PUS3: variants seen among roughly 807,000 people sequenced by gnomAD.
PUS3 encodes pseudouridine synthase 3.
A neutral mutation model predicts 43.3 loss-of-function variants in PUS3; 36 were observed. The ratio of observed to expected loss-of-function variants is 0.83; its 90% confidence interval spans 0.64 to 1.10. PUS3 has a LOEUF of 1.10. PUS3 is among the 50% of genes least tolerant of loss of function. The probability of loss-of-function intolerance (pLI) is 0.00; values close to 1 mark genes in which losing one functional copy is unlikely to be tolerated. For synonymous variants in PUS3, 183 were observed against 199.2 expected, an observed-to-expected ratio of 0.92 and a Z score of 0.69; for missense variants, 544 against 589.9, an observed-to-expected ratio of 0.92 and a Z score of 0.81.
rs1049344734 is a variant in PUS3 at position 125,893,828 on chromosome 11, G to A, written c.1403C>T (p.Thr468Met). 26 of 1,613,352 alleles carry A rather than the reference G, an allele frequency of 1.6e-5. No individual in the cohort carries two copies. Among genetic ancestry groups the A allele is most frequent in the East Asian group, 2.2e-5 (1 of 44,878 alleles). The change falls in exon 4 of 4, where the codon ACG (threonine) becomes ATG (methionine). Residue 468 changes from threonine to methionine, a missense_variant. Physicochemically the swap from Thr to Met is moderately conservative, Grantham distance 81. Coordinates refer to ENST00000227474, the MANE Select transcript of PUS3 (RefSeq NM_031307.4). ...TTCTGTGTCAACACAGACCCTCTTCGTTGGTGTCTCCAAATTAGTATTCTC... is the reference window on the plus strand; with the variant it reads ...TTCTGTGTCAACACAGACCCTCTTCATTGGTGTCTCCAAATTAGTATTCTC... ...EEENTNLETPTKRVCVDTEIK... is the reference protein window; with the variant it reads ...EEENTNLETPMKRVCVDTEIK...
intron 1 of PUS3, among the ~76,000 whole-genome samples, chr11:125,896,586 G>A (rs1236011400): frequency 1.3e-5 from 2 of 152,104 alleles, no homozygotes; most frequent in African/African-American, 2.4e-5. Flanking sequence ...CAAAATTCAG[G>A]GAGAATGTCT....
chr11:125,901,475 A>G (rs1944772142), intron 1 of PUS3, among the ~76,000 whole-genome samples: 1 of 152,244 alleles, frequency 6.6e-6, no homozygotes, highest in Non-Finnish European at 1.5e-5. Context: ...GGGACCATCT[A>G]AAATCTGAAA....
chr11:125,899,676 C>T, intron 1 of PUS3: 1 of 1,614,148 alleles, frequency 6.2e-7, no homozygotes, highest in Non-Finnish European at 8.5e-7. Context: ...CGCAGAAAGC[C>T]AGATGGGGAA....
In PUS3 at chr11:125,895,558, A is replaced by T; in HGVS notation, c.610T>A (p.Leu204Ile). Reference protein sequence around the residue: ...TYRYFFPRADLDIVTMDYAAQ... With the variant: ...TYRYFFPRADIDIVTMDYAAQ... ...GCATAATCCATGGTTACAATATCTA[A>T]ATCAGCACGAGGGAAAAAATAGCGG... The change falls in exon 3 of 4, where the codon TTA (leucine) becomes ATA (isoleucine). Residue 204 changes from leucine (L) to isoleucine (I), a missense_variant. Coordinates refer to ENST00000227474, the MANE Select transcript of PUS3 (RefSeq NM_031307.4). The T allele has an allele frequency of 1.9e-6, 3 of 1,614,212 alleles. No individual in the cohort carries two copies. The highest frequency in any genetic ancestry group is 1.3e-5 in the African/African-American group (1 of 75,046).
In PUS3 at chr11:125,895,719, T is replaced by C; in HGVS notation, c.449A>G (p.Glu150Gly). 1.2e-6 allele frequency: 2 copies of C among 1,613,404 alleles called. No individual in the cohort carries two copies. Among genetic ancestry groups the C allele is most frequent in the Non-Finnish European group, 8.5e-7 (1 of 1,179,874 alleles). Residue 150 changes from glutamate to glycine, a missense_variant, in exon 3 of 4, where the codon GAG becomes GGG. Coordinates refer to ENST00000227474, the MANE Select transcript of PUS3 (RefSeq NM_031307.4). The stretch of plus-strand genomic sequence containing the variant: ...GATCTCTTCAGCAGCAGCATTAGCC[T>C]CCTCTTTTACATTAAAGTCCTCGGA... ...RDSEDFNVKE[E>G]ANAAAEEIRY...
chr11:125,901,943 G>A (rs1271476611), intron 1 of PUS3, among the ~76,000 whole-genome samples: 1 of 152,094 alleles, frequency 6.6e-6, no homozygotes, highest in Non-Finnish European at 1.5e-5. Flanking sequence ...TTTATACCTC[G>A]ACTTTTTATG....
intron 1 of PUS3, chr11:125,899,308 T>A (rs112053817): frequency 8.8e-6 from 13 of 1,483,294 alleles, no homozygotes; most frequent in African/African-American, 5.6e-5. Context: ...GCTGGGAATT[T>A]ATTATCAGAA....
rs189235230 is a variant in PUS3, at chr11:125,895,563, G to A, written c.605C>T (p.Ala202Val). Reference protein sequence around the residue: ...ERTYRYFFPRADLDIVTMDYA... With the variant: ...ERTYRYFFPRVDLDIVTMDYA... ...ATCCATGGTTACAATATCTAAATCA[G>A]CACGAGGGAAAAAATAGCGGTAAGT... is the stretch of plus-strand genomic sequence containing the variant. The change falls in exon 3 of 4, where the codon GCT becomes GTT. Residue 202 changes from alanine (A) to valine (V), a missense_variant. Ala to Val is a moderately conservative substitution (Grantham distance 64, BLOSUM62 0). Transcript: ENST00000227474. 2 of 1,614,180 alleles carry A rather than the reference G, an allele frequency of 1.2e-6. No individual in the cohort carries two copies. The highest frequency in any genetic ancestry group is 1.1e-5 in the South Asian group (1 of 91,088).
intron 1 of PUS3, among the ~76,000 whole-genome samples, chr11:125,897,982 C>T (rs1421251933): frequency 1.3e-5 from 2 of 152,106 alleles, no homozygotes; most frequent in Non-Finnish European, 2.9e-5. Flanking sequence ...TACATTCATA[C>T]ATTGGAATTC....
intron 1 of PUS3, chr11:125,899,869 G>A (rs1459943045): frequency 6.2e-7 from 1 of 1,614,066 alleles, no homozygotes; most frequent in African/African-American, 1.3e-5. Flanking sequence ...CTCAAGATCA[G>A]CTCATTTGCT....
intron 1 of PUS3, chr11:125,899,312 A>G: frequency 2.0e-6 from 3 of 1,502,938 alleles, no homozygotes; most frequent in Non-Finnish European, 2.8e-6. Flanking sequence ...GGAATTTATT[A>G]TCAGAAAACT....
chr11:125,894,980 A>G (rs1044857014), intron 3 of PUS3, among the ~76,000 whole-genome samples: 3 of 152,176 alleles, frequency 2.0e-5, no homozygotes, highest in African/African-American at 4.8e-5. Context: ...ATTCAGAGTA[A>G]AGCTTCATGA....
chr11:125,903,145 C>A, intron 1 of PUS3, 25 bp downstream of exon 1: 5 of 979,746 alleles, frequency 5.1e-6, no homozygotes, highest in Non-Finnish European at 6.1e-6. Context: ...CAGAAAGTAA[C>A]CCACTCCAAA....
intron 1 of PUS3, among the ~76,000 whole-genome samples, chr11:125,897,562 C>T (rs1047459212): frequency 2.0e-5 from 3 of 147,552 alleles, no homozygotes; most frequent in African/African-American, 5.0e-5. Context: ...GTCAAATGGG[C>T]AAAGACCAAG....
chr11:125,893,729 C>CT lies in PUS3; in HGVS notation c.*55_*56insA. The CT allele has an allele frequency of 2.8e-6, 3 of 1,089,394 alleles. No homozygotes were observed. Among genetic ancestry groups the CT allele is most frequent in the Non-Finnish European group, 3.6e-6 (3 of 842,030 alleles). The allele number at this position is 1,089,394 out of a possible 1,614,324, so 67.5% of individuals were successfully genotyped here. ...CTTGCAAGTAAATTTTTTTTTTTTT[C>CT]CTTTTCTGTCCACCTACCATTAGGT... On this transcript the variant is annotated 3_prime_UTR_variant, in exon 4 of 4. Coordinates refer to ENST00000227474, the MANE Select transcript of PUS3 (RefSeq NM_031307.4).
At chr11:125,900,292 G>T (rs1171604427) in intron 1 of PUS3, 1 of 1,606,456 alleles carries the variant, frequency 6.2e-7, no homozygotes, top group Admixed American at 1.7e-5. Context: ...TCTTTCACAG[G>T]ATTGTTTGAG....
chr11:125,901,866 G>A (rs1018167372), intron 1 of PUS3, among the ~76,000 whole-genome samples: 5 of 152,172 alleles, frequency 3.3e-5, no homozygotes, highest in African/African-American at 1.2e-4. Context: ...AAACTATACA[G>A]GATGATCTCA....
intron 1 of PUS3, chr11:125,900,343 A>G: frequency 7.0e-7 from 1 of 1,432,840 alleles, no homozygotes; most frequent in Non-Finnish European, 9.8e-7. Context: ...AATAGAAACA[A>G]CTGTCTTGAG....
chr11:125,893,710 A>T lies in PUS3; in HGVS notation c.*75T>A. The stretch of plus-strand genomic sequence containing the variant: ...ATCATCTGAATTCCTAGTACTTGCA[A>T]GTAAATTTTTTTTTTTTTCCTTTTC... On this transcript the variant is annotated 3_prime_UTR_variant, in exon 4 of 4. Transcript: ENST00000227474. 4 of 1,269,152 alleles carry T rather than the reference A, an allele frequency of 3.2e-6. No individual in the cohort carries two copies. The Middle Eastern group carries it at 8.0e-4, about 255-fold the overall frequency. The allele number at this position is 1,269,152 out of a possible 1,614,324, so 78.6% of individuals were successfully genotyped here.
Sources: allele counts gnomAD v4.1 joint callset (sites outside exome capture counted in the v4.1 genomes callset), GRCh38; gene constraint gnomAD v4.1.1; transcripts MANE v1.5; gene names NCBI Gene and HGNC (gene_info 2026-07-23, HGNC 2026-07-21).